The following TRPM3 variants were observed in gnomAD, a reference collection of about 807,000 sequenced individuals.
TRPM3 encodes the protein transient receptor potential cation channel subfamily M member 3.
Under a neutral mutation model 181.2 loss-of-function variants are expected in TRPM3, and 77 were observed. The observed-to-expected ratio is 0.42, with a 90% CI of 0.35 to 0.51. The LOEUF (loss-of-function observed/expected upper bound fraction) is 0.51, where lower values mean the gene tolerates loss of function less well. Ranked by LOEUF, TRPM3 falls within the 20% of genes least tolerant of loss-of-function variation. The pLI is 0.01. For synonymous variants in TRPM3, 745 were observed against 796.4 expected (o/e 0.94, Z 1.09); for missense variants, 1,759 against 2,196.7 (o/e 0.80, Z 3.98).
intron 9 of TRPM3, among the ~76,000 whole-genome samples, chr9:70,671,729 A>T (rs1022140109): frequency 6.6e-6 from 1 of 152,090 alleles, no homozygotes; most frequent in Non-Finnish European, 1.5e-5. Flanking sequence ...CTTGCATTTG[A>T]GGCAAATTTG....
intron 1 of TRPM3, among the ~76,000 whole-genome samples, chr9:71,047,835 C>T (rs2059619519): frequency 6.6e-6 from 1 of 151,316 alleles, no homozygotes; most frequent in African/African-American, 2.4e-5. Context: ...CACACACACA[C>T]ACACACACAC....
chr9:71,067,268 A>G (rs776161350), intron 1 of TRPM3, among the ~76,000 whole-genome samples: 4 of 152,220 alleles, frequency 2.6e-5, no homozygotes, highest in African/African-American at 4.8e-5. Context: ...CTTTGTAGAA[A>G]ATTTGGAAAG....
At chr9:70,983,016 A>T (rs2097379165) in intron 1 of TRPM3, among the ~76,000 whole-genome samples, 1 of 152,046 alleles carries the variant, frequency 6.6e-6, no homozygotes, top group African/African-American at 2.4e-5. Flanking sequence ...CTAAATTTTA[A>T]GTCTTTCTTT....
intron 1 of TRPM3, among the ~76,000 whole-genome samples, chr9:71,081,492 A>T (rs1177950348): frequency 6.6e-6 from 1 of 152,228 alleles, no homozygotes; most frequent in East Asian, 1.9e-4. Context: ...ATTCAATGTT[A>T]GATATAAAGG....
chr9:70,967,225 A>G (rs1037309327), intron 1 of TRPM3, among the ~76,000 whole-genome samples: 5 of 152,044 alleles, frequency 3.3e-5, no homozygotes, highest in Non-Finnish European at 5.9e-5. Flanking sequence ...AGACGACTCT[A>G]AAGTCCCAGT....
intron 1 of TRPM3, among the ~76,000 whole-genome samples, chr9:71,166,459 T>C (rs2134750641): frequency 6.6e-6 from 1 of 152,116 alleles, no homozygotes; most frequent in East Asian, 1.9e-4. Flanking sequence ...AGAGACCATA[T>C]TGTCCTACTG....
At chr9:70,871,673 C>T (rs1033757286) in intron 1 of TRPM3, among the ~76,000 whole-genome samples, 2 of 151,950 alleles carry the variant, frequency 1.3e-5, no homozygotes, top group Non-Finnish European at 2.9e-5. Context: ...CCACACTGTC[C>T]ATATAGATCT....
intron 9 of TRPM3, among the ~76,000 whole-genome samples, chr9:70,650,052 C>T (rs1335105879): frequency 6.6e-6 from 1 of 152,128 alleles, no homozygotes; most frequent in South Asian, 2.1e-4. Context: ...CAAATTAACA[C>T]AGGAACAGAA....
At chr9:70,743,440 A>T (rs927327603) in intron 8 of TRPM3, among the ~76,000 whole-genome samples, 1 of 152,192 alleles carries the variant, frequency 6.6e-6, no homozygotes, top group Non-Finnish European at 1.5e-5. Flanking sequence ...AAATGAAAAC[A>T]TATCTCGGAA....
chr9:71,287,094 GATATA>G (rs1462879876), intron 1 of TRPM3, among the ~76,000 whole-genome samples: 15 of 138,376 alleles, frequency 1.1e-4, no homozygotes, highest in South Asian at 2.2e-4. Context: ...TATATTATAT[GATATA>G]ATATAAAATT....
intron 6 of TRPM3, among the ~76,000 whole-genome samples, chr9:70,796,416 C>G (rs1437469567): frequency 2.0e-5 from 3 of 152,166 alleles, no homozygotes; most frequent in South Asian, 2.1e-4. Flanking sequence ...CTGAAAGAGA[C>G]AGCAATTACT....
At position 71,166,869 on chromosome 9, in the gene TRPM3, G is replaced by A. The variant is rs183981441; in HGVS notation, c.183+279784C>T. On this transcript the variant is annotated intron_variant, in intron 1 of 24. Transcript: ENST00000357533. ...ACAAAGTATAATAATGGGATGCATA[G>A]ATTGAAATTTCATACAAATAACCTA... Among the ~76,000 whole-genome samples the A allele has an allele frequency of 2.6e-5, 4 of 152,268 alleles. No homozygotes were observed. The East Asian group carries it at 7.7e-4, about 29-fold the overall frequency.
intron 1 of TRPM3, among the ~76,000 whole-genome samples, chr9:71,317,382 C>T (rs991863071): frequency 6.6e-6 from 1 of 152,056 alleles, no homozygotes; most frequent in Non-Finnish European, 1.5e-5. Flanking sequence ...TCCTGTAATC[C>T]CAGCACTTTG....
chr9:71,089,961 A>G (rs937381360), intron 1 of TRPM3, among the ~76,000 whole-genome samples: 2 of 152,188 alleles, frequency 1.3e-5, no homozygotes, highest in African/African-American at 4.8e-5. Flanking sequence ...GATGAGCTAA[A>G]AAAGAATGGC....
At chr9:71,279,040 A>AAAAAAG (rs1296330963) in intron 1 of TRPM3, among the ~76,000 whole-genome samples, 1 of 96,550 alleles carries the variant, frequency 1.0e-5, no homozygotes, top group Non-Finnish European at 2.3e-5. Context: ...TAGGTTAAAA[A>AAAAAAG]AAATAAAAAT....
chr9:70,989,307 G>C (rs1428310358), intron 1 of TRPM3, among the ~76,000 whole-genome samples: 3 of 151,992 alleles, frequency 2.0e-5, no homozygotes, highest in Non-Finnish European at 4.4e-5. Context: ...GAAATAAAAA[G>C]AGCATATCCA....
chr9:71,235,352 T>C (rs921014166), intron 1 of TRPM3, among the ~76,000 whole-genome samples: 2 of 152,234 alleles, frequency 1.3e-5, no homozygotes, highest in African/African-American at 4.8e-5. Flanking sequence ...TATTTGAAAC[T>C]GTATTATGCA....
At chr9:70,882,009 T>C (rs894211515) in intron 1 of TRPM3, among the ~76,000 whole-genome samples, 3 of 152,182 alleles carry the variant, frequency 2.0e-5, no homozygotes, top group African/African-American at 7.2e-5. Flanking sequence ...AACATTATCA[T>C]CAAGTTTTCA....
At chr9:70,834,801 G>C (rs561230701) in intron 5 of TRPM3, among the ~76,000 whole-genome samples, 1 of 152,190 alleles carries the variant, frequency 6.6e-6, no homozygotes, top group Non-Finnish European at 1.5e-5. Flanking sequence ...AGACAGCCCA[G>C]GCCAGAACCA....
Sources: allele counts gnomAD v4.1 joint callset (sites outside exome capture counted in the v4.1 genomes callset), GRCh38; gene constraint gnomAD v4.1.1; transcripts MANE v1.5; gene names NCBI Gene and HGNC (gene_info 2026-07-23, HGNC 2026-07-21).